MACROD2: variants seen among roughly 807,000 people sequenced by gnomAD.
MACROD2 encodes the protein ADP-ribose glycohydrolase MACROD2.
A neutral mutation model predicts 70.4 loss-of-function variants in MACROD2; 36 were observed. That is an observed-to-expected ratio of 0.51 (90% CI 0.39 to 0.68). The LOEUF is 0.68. Ranked by LOEUF, MACROD2 falls within the 30% of genes least tolerant of loss-of-function variation. The pLI, the probability that MACROD2 is intolerant of heterozygous loss-of-function variation, is 0.00. For missense variants in MACROD2, 496 were observed against 538.4 expected (o/e 0.92, Z 0.78); for synonymous variants, 172 against 178.8 (o/e 0.96, Z 0.30).
chr20:15,257,153 A>G (rs1601310977), intron 6 of MACROD2, among the ~76,000 whole-genome samples: 1 of 152,068 alleles, frequency 6.6e-6, no homozygotes, highest in East Asian at 1.9e-4. Context: ...ACAAAAAGAA[A>G]ACCTGCCTGC....
At chr20:15,340,095 ACTTTT>A (rs931522197) in intron 6 of MACROD2, among the ~76,000 whole-genome samples, 2 of 141,184 alleles carry the variant, frequency 1.4e-5, no homozygotes, top group African/African-American at 5.2e-5. Context: ...TCCTTTGTCA[ACTTTT>A]CTTTTTCTTT....
rs150764591 is a variant in MACROD2, at chr20:15,978,417, A to C, written c.986-8310A>C. The stretch of plus-strand genomic sequence containing the variant: ...AAGTTACACCCTCTTGTAAATTCCT[A>C]TATTGTAAGCTGGTCACGAGATGAT... On this transcript the variant is annotated intron_variant, in intron 13 of 17. Transcript: ENST00000684519. Among the ~76,000 whole-genome samples the C allele has an allele frequency of 8.8e-3, 1,344 of 152,230 alleles. 14 individuals carry two copies. The highest frequency in any genetic ancestry group is 0.031 in the African/African-American group (1,282 of 41,520).
At chr20:14,768,730 C>A (rs944841060) in intron 5 of MACROD2, among the ~76,000 whole-genome samples, 1 of 152,044 alleles carries the variant, frequency 6.6e-6, no homozygotes, top group South Asian at 2.1e-4. Context: ...GATTCTCCTT[C>A]CTCAGCCTCC....
chr20:14,608,125 A>C (rs755638199), intron 4 of MACROD2, among the ~76,000 whole-genome samples: 51 of 151,978 alleles, frequency 3.4e-4, no homozygotes, highest in Non-Finnish European at 5.0e-4. Flanking sequence ...GTATAGTGGC[A>C]GGCACCTCTA....
At chr20:14,493,635 T>G in intron 4 of MACROD2, 127 bp downstream of exon 4, 1 of 699,174 alleles carries the variant, frequency 1.4e-6, no homozygotes, top group Non-Finnish European at 2.4e-6. Flanking sequence ...ACAAAAATGT[T>G]AATCTTTCAA....
intron 5 of MACROD2, among the ~76,000 whole-genome samples, chr20:15,037,496 T>G (rs989498506): frequency 2.6e-5 from 4 of 152,216 alleles, no homozygotes; most frequent in Non-Finnish European, 5.9e-5. Context: ...GTGGTACAAC[T>G]CTTTAGGATG....
rs2046859954 is a variant in MACROD2, at chr20:15,464,513, CA to C, written c.571+33079del. Among the ~76,000 whole-genome samples the C allele has an allele frequency of 3.3e-5, 5 of 152,302 alleles. No individual in the cohort carries two copies. In the East Asian group the frequency reaches 9.6e-4, roughly 29 times the overall value. On this transcript the variant is annotated intron_variant, in intron 7 of 17. Transcript: ENST00000684519. ...CTATGAACTAGCCAACCTGCTTCCT[CA>C]CTGGTTTTTGAAATATCTTTAGAGA... is the stretch of plus-strand genomic sequence containing the variant.
intron 17 of MACROD2, among the ~76,000 whole-genome samples, chr20:16,046,334 CT>C (rs11478531): frequency 0.58 from 86,957 of 149,930 alleles, 25,935 homozygotes; most frequent in Non-Finnish European, 0.66. Context: ...AACATTTCTC[CT>C]TTTTTTTTTT....
At chr20:15,061,687 A>AG (rs1291058188) in intron 5 of MACROD2, among the ~76,000 whole-genome samples, 1 of 152,152 alleles carries the variant, frequency 6.6e-6, no homozygotes, top group Non-Finnish European at 1.5e-5. Flanking sequence ...GGATTCGTTT[A>AG]GGTTAAAATT....
At chr20:14,748,902 T>C (rs575890983) in intron 5 of MACROD2, among the ~76,000 whole-genome samples, 253 of 152,208 alleles carry the variant, frequency 1.7e-3, no homozygotes, top group African/African-American at 5.5e-3. Context: ...GATGCCTCCA[T>C]AGAACCCACA....
chr20:14,083,907 A>G (rs989632842), intron 2 of MACROD2, among the ~76,000 whole-genome samples: 5 of 151,636 alleles, frequency 3.3e-5, no homozygotes, highest in African/African-American at 1.2e-4. Flanking sequence ...TAAAAATACA[A>G]AAAACTAGCC....
intron 8 of MACROD2, among the ~76,000 whole-genome samples, chr20:15,731,976 G>C (rs1363568650): frequency 1.7e-5 from 1 of 60,014 alleles, no homozygotes; most frequent in Non-Finnish European, 4.8e-5. Flanking sequence ...GGCTGGTCTT[G>C]AACTCCTGAC....
intron 6 of MACROD2, among the ~76,000 whole-genome samples, chr20:15,393,087 G>A (rs2045814292): frequency 6.6e-6 from 1 of 151,992 alleles, no homozygotes; most frequent in Admixed American, 6.6e-5. Flanking sequence ...CAGTCTAAGA[G>A]TGGCCTATAA....
intron 5 of MACROD2, among the ~76,000 whole-genome samples, chr20:15,005,443 G>A (rs190068824): frequency 2.6e-5 from 4 of 152,250 alleles, no homozygotes; most frequent in African/African-American, 4.8e-5. Flanking sequence ...ATCTAACATG[G>A]CCAAGGAATG....
In MACROD2 at chr20:15,474,483, T is replaced by C. The variant is rs1456786087; in HGVS notation, c.572-25291T>C. On this transcript the variant is annotated intron_variant, in intron 7 of 17. Transcript: ENST00000684519. ...GTGGAGATCTTCTCTCAACCTCTAA[T>C]TTGGTGGTTCTCATCTTTCTTTGCT... Among the ~76,000 whole-genome samples the C allele has an allele frequency of 2.0e-5, 3 of 151,898 alleles. No individual in the cohort carries two copies. In the East Asian group the frequency reaches 5.8e-4, roughly 29 times the overall value.
intron 10 of MACROD2, among the ~76,000 whole-genome samples, chr20:15,924,122 T>C (rs1426861741): frequency 6.6e-6 from 1 of 152,200 alleles, no homozygotes. Flanking sequence ...AAATTCCAAA[T>C]CAACATCTTT....
At chr20:14,501,006 A>C (rs1225895936) in intron 4 of MACROD2, among the ~76,000 whole-genome samples, 1 of 152,130 alleles carries the variant, frequency 6.6e-6, no homozygotes, top group East Asian at 1.9e-4. Context: ...TTGGAAAGTT[A>C]ATCTCTTTAT....
chr20:14,407,464 C>T (rs945632502), intron 3 of MACROD2, among the ~76,000 whole-genome samples: 1 of 152,076 alleles, frequency 6.6e-6, no homozygotes, highest in Non-Finnish European at 1.5e-5. Context: ...TATAGTTTGA[C>T]AGTGTGGTCT....
chr20:15,120,758 CCATT>C (rs2076024331), intron 5 of MACROD2, among the ~76,000 whole-genome samples: 1 of 152,182 alleles, frequency 6.6e-6, no homozygotes, highest in African/African-American at 2.4e-5. Flanking sequence ...TGAACTCACT[CCATT>C]CATTTATTAA....
Sources: allele counts gnomAD v4.1 joint callset (sites outside exome capture counted in the v4.1 genomes callset), GRCh38; gene constraint gnomAD v4.1.1; transcripts MANE v1.5; gene names NCBI Gene and HGNC (gene_info 2026-07-23, HGNC 2026-07-21).